The following PHF8 variants were observed in gnomAD, a reference collection of about 807,000 sequenced individuals.
PHF8 encodes the protein histone lysine demethylase PHF8.
A neutral mutation model predicts 74.4 loss-of-function variants in PHF8; 9 were observed. The observed-to-expected ratio is 0.12, with a 90% CI of 0.07 to 0.21. PHF8 has a LOEUF of 0.21. Ranked by LOEUF, PHF8 falls within the 10% of genes least tolerant of loss-of-function variation. PHF8 has a pLI of 1.00. For missense variants in PHF8, 478 were observed against 816.6 expected (o/e 0.59, Z 5.05); for synonymous variants, 311 against 316.6 (o/e 0.98, Z 0.19).
intron 18 of PHF8, among the ~76,000 whole-genome samples, chrX:53,983,365 C>T (rs1036810352): frequency 1.8e-5 from 2 of 111,229 alleles, no homozygotes; most frequent in Non-Finnish European, 3.8e-5. Flanking sequence ...AAAAACAAAA[C>T]ATCCCAACAG....
chrX:53,988,590 A>G (rs2065603542), intron 14 of PHF8, among the ~76,000 whole-genome samples: 2 of 108,912 alleles, frequency 1.8e-5, no homozygotes, highest in African/African-American at 3.3e-5. Flanking sequence ...GAAATCGTTT[A>G]TCTGGCAAAG....
At chrX:54,009,919 A>G (rs1557106352) in intron 8 of PHF8, among the ~76,000 whole-genome samples, 1 of 105,644 alleles carries the variant, frequency 9.5e-6, no homozygotes, top group Admixed American at 1.1e-4. Flanking sequence ...TGACCAACCT[A>G]TAGAAAATTG....
At chrX:53,967,371 TCAGCCCCCCGCCC>T (rs1557093247) in intron 18 of PHF8, among the ~76,000 whole-genome samples, 2 of 81,629 alleles carry the variant, frequency 2.5e-5, no homozygotes, top group African/African-American at 9.8e-5. Flanking sequence ...AGGTGGGGGG[TCAGCCCCCCGCCC>T]GGCCAGCCGC....
intron 2 of PHF8, among the ~76,000 whole-genome samples, chrX:54,037,294 C>T (rs782717027): frequency 8.1e-5 from 9 of 111,774 alleles, no homozygotes; most frequent in Non-Finnish European, 1.3e-4. Context: ...GTCACCCAGG[C>T]TGGAGTGTAG....
intron 18 of PHF8, among the ~76,000 whole-genome samples, chrX:53,965,856 A>C (rs1006486223): frequency 7.2e-5 from 8 of 110,734 alleles, no homozygotes; most frequent in Non-Finnish European, 1.1e-4. Flanking sequence ...AGTTTCCAAC[A>C]AAAAAAACCA....
chrX:54,042,529 G>C (rs879985773), intron 2 of PHF8, 102 bp downstream of exon 2: 4 of 691,374 alleles, frequency 5.8e-6, no homozygotes, highest in South Asian at 4.6e-5. Context: ...CTGGGAGAGG[G>C]GGTCCTGAGC....
chrX:53,944,074 G>T, intron 20 of PHF8, 60 bp downstream of exon 20: 2 of 692,311 alleles, frequency 2.9e-6, no homozygotes, highest in Non-Finnish European at 2.3e-6. Flanking sequence ...AGGTCTAAGT[G>T]TTGAGGCTCT....
At chrX:53,954,636 G>C (rs1228433607) in intron 19 of PHF8, among the ~76,000 whole-genome samples, 1 of 55,319 alleles carries the variant, frequency 1.8e-5, no homozygotes, top group African/African-American at 6.8e-5. Context: ...TTAAATCTGG[G>C]TGACAGATAT....
intron 8 of PHF8, among the ~76,000 whole-genome samples, chrX:54,007,623 C>G (rs1487109793): frequency 8.9e-6 from 1 of 112,011 alleles, no homozygotes; most frequent in Non-Finnish European, 1.9e-5. Flanking sequence ...AAAAACTATA[C>G]AAGTGTCCAA....
intron 18 of PHF8, among the ~76,000 whole-genome samples, chrX:53,965,160 CGT>C (rs2065164165): frequency 9.0e-6 from 1 of 111,707 alleles, no homozygotes; most frequent in South Asian, 3.7e-4. Context: ...TGCACGTGCA[CGT>C]GTGCACACAC....
intron 19 of PHF8, chrX:53,944,472 T>C (rs2064801148): frequency 5.1e-6 from 2 of 394,794 alleles, no homozygotes; most frequent in Non-Finnish European, 8.9e-6. Flanking sequence ...AGAAAAAAAA[T>C]GTGAACCTCC....
At position 54,044,377 on chromosome X, in the gene PHF8, G is replaced by C; in HGVS notation, c.-708C>G. On this transcript the variant is annotated 5_prime_UTR_variant, in exon 1 of 22. Transcript: ENST00000338154. ...AATGAGGAAGTTGAGGCGGAGAGGG[G>C]AGGAGAAATACGGGATAAACAGCTA... The C allele has an allele frequency of 1.3e-6, 1 of 751,645 alleles. No homozygotes were observed. Among genetic ancestry groups the C allele is most frequent in the Non-Finnish European group, 1.6e-6 (1 of 636,393 alleles). 61.9% of individuals were successfully genotyped at this position (751,645 alleles called of 1,213,427 possible). A position where few individuals can be genotyped will look rare whatever the true frequency, so the allele number is the denominator to read the frequency against.
At chrX:53,969,789 A>T (rs1369311187) in intron 18 of PHF8, among the ~76,000 whole-genome samples, 1 of 112,177 alleles carries the variant, frequency 8.9e-6, no homozygotes, top group African/African-American at 3.2e-5. Context: ...GGGCCAACAG[A>T]ACAGCATAGA....
At chrX:54,029,915 C>G (rs2066326608) in intron 2 of PHF8, among the ~76,000 whole-genome samples, 1 of 111,249 alleles carries the variant, frequency 9.0e-6, no homozygotes, top group South Asian at 3.9e-4. Context: ...AGGCATGGGG[C>G]ACCATGTGAC....
upstream of PHF8, chrX:54,044,946 C>T (rs1557117126): frequency 3.3e-5 from 35 of 1,049,650 alleles, no homozygotes; most frequent in Non-Finnish European, 4.3e-5. Flanking sequence ...GTTGGTTCTT[C>T]CCCCTGTGAA....
intron 19 of PHF8, among the ~76,000 whole-genome samples, chrX:53,957,475 C>T (rs2065032191): frequency 9.0e-6 from 1 of 110,790 alleles, no homozygotes; most frequent in Non-Finnish European, 1.9e-5. Context: ...GAGCCAAGAT[C>T]ATGCCATTGC....
rs782215609 is a variant in PHF8, at chrX:53,940,405, T to C, written c.2761A>G (p.Thr921Ala). 33 of 1,202,463 alleles carry C rather than the reference T, an allele frequency of 2.7e-5. No individual in the cohort carries two copies. The Admixed American group carries it at 6.6e-4, about 24-fold the overall frequency. The change falls in exon 21 of 22, where the codon ACT (threonine) becomes GCT (alanine). Residue 921 changes from threonine to alanine, a missense_variant. Transcript: ENST00000338154. ...SNLSLTVPAP[T>A]VAATPQLVTS... ...ACAAGTTGTGGTGTGGCAGCCACAG[T>C]GGGGGCTGGTACTGTCAGACTGAGA...
intron 6 of PHF8, among the ~76,000 whole-genome samples, chrX:54,016,102 G>A (rs942578797): frequency 9.0e-5 from 10 of 111,539 alleles, no homozygotes; most frequent in Non-Finnish European, 1.7e-4. Context: ...AGAAACTGTG[G>A]AGGAGAAATA....
intron 20 of PHF8, among the ~76,000 whole-genome samples, chrX:53,941,215 T>C (rs1327954166): frequency 8.9e-6 from 1 of 112,712 alleles, no homozygotes; most frequent in African/African-American, 3.2e-5. Flanking sequence ...GGTAAAATAA[T>C]ATCTGCTTTT....
Sources: gnomAD v4.1 joint callset for allele counts (sites outside exome capture counted in the v4.1 genomes callset) on GRCh38, gnomAD v4.1.1 for gene constraint, MANE v1.5 for transcripts, NCBI Gene and HGNC (gene_info 2026-07-23, HGNC 2026-07-21) for gene names.